Variants in TSHZ3 observed in about 807,000 individuals in gnomAD.
TSHZ3 encodes the protein teashirt zinc finger homeobox 3.
In TSHZ3, 10 loss-of-function variants were observed where a neutral mutation model predicts 64.5. That is an observed-to-expected ratio of 0.16 (90% CI 0.10 to 0.26). The LOEUF (loss-of-function observed/expected upper bound fraction) is 0.26. Ranked by LOEUF, TSHZ3 falls within the 10% of genes least tolerant of loss-of-function variation. The pLI is 1.00. For missense variants in TSHZ3, 1,242 were observed against 1,421.7 expected (o/e 0.87, Z 2.03); for synonymous variants, 608 against 593.1 (o/e 1.03, Z -0.36).
intron 5 of TSHZ3, chr19:31,167,719 G>A (rs543620822): frequency 6.6e-6 from 1 of 152,298 alleles, no homozygotes; most frequent in East Asian, 1.9e-4. Flanking sequence ...CATTGTCACT[G>A]AACACAGAGT....
chr19:31,249,960 C>A (rs1249054471), intron 1 of TSHZ3, among the ~76,000 whole-genome samples: 5 of 152,224 alleles, frequency 3.3e-5, no homozygotes, highest in Admixed American at 1.3e-4. Context: ...AGAAATATAT[C>A]CTCCCTGGAG....
chr19:31,337,187 C>G (rs1309577335), intron 1 of TSHZ3, among the ~76,000 whole-genome samples: 2 of 152,094 alleles, frequency 1.3e-5, no homozygotes, highest in Non-Finnish European at 2.9e-5. Flanking sequence ...GAGCAAACAG[C>G]TGCTGCCACA....
intron 1 of TSHZ3, among the ~76,000 whole-genome samples, chr19:31,299,249 G>A (rs781668725): frequency 6.6e-6 from 1 of 152,186 alleles, no homozygotes; most frequent in Non-Finnish European, 1.5e-5. Context: ...GGAAAGGACA[G>A]TAGGCTGGAG....
chr19:31,207,940 C>A (rs1975207437), intron 4 of TSHZ3, among the ~76,000 whole-genome samples: 1 of 152,130 alleles, frequency 6.6e-6, no homozygotes, highest in Non-Finnish European at 1.5e-5. Context: ...ATGGAATGGA[C>A]CTGTGTGTTA....
At chr19:31,307,187 G>A (rs1044237947) in intron 1 of TSHZ3, among the ~76,000 whole-genome samples, 2 of 152,104 alleles carry the variant, frequency 1.3e-5, no homozygotes, top group African/African-American at 4.8e-5. Context: ...GCCTCTACCC[G>A]TTTCTATATG....
At chr19:31,283,356 A>C (rs968321574) in intron 1 of TSHZ3, among the ~76,000 whole-genome samples, 1 of 152,202 alleles carries the variant, frequency 6.6e-6, no homozygotes, top group Middle Eastern at 3.2e-3. Flanking sequence ...ATAAAAATAA[A>C]GGGAAAATTC....
intron 4 of TSHZ3, among the ~76,000 whole-genome samples, chr19:31,210,415 G>A (rs189038310): frequency 9.2e-5 from 14 of 152,266 alleles, no homozygotes. Flanking sequence ...GGCAGAGGCA[G>A]TATGTTTGAG....
chr19:31,253,562 A>G (rs1229759504), intron 1 of TSHZ3, among the ~76,000 whole-genome samples: 1 of 152,154 alleles, frequency 6.6e-6, no homozygotes, highest in Non-Finnish European at 1.5e-5. Context: ...AAGTCTCGCT[A>G]TGTTGCCCAG....
At chr19:31,201,188 G>A (rs901843268) in intron 5 of TSHZ3, among the ~76,000 whole-genome samples, 3 of 152,170 alleles carry the variant, frequency 2.0e-5, no homozygotes, top group East Asian at 1.9e-4. Flanking sequence ...GTAGGTCTGG[G>A]GCAAATTGTA....
intron 4 of TSHZ3, among the ~76,000 whole-genome samples, chr19:31,220,643 C>T (rs1272695574): frequency 1.3e-5 from 2 of 152,094 alleles, no homozygotes; most frequent in African/African-American, 4.8e-5. Context: ...AGAGCCTTGG[C>T]GCCCTTTCTA....
intron 1 of TSHZ3, among the ~76,000 whole-genome samples, chr19:31,323,748 C>T (rs1916845134): frequency 6.6e-6 from 1 of 152,028 alleles, no homozygotes; most frequent in Non-Finnish European, 1.5e-5. Context: ...CACAGTCTCC[C>T]ACACAGTCAC....
At chr19:31,330,710 G>C (rs570297134) in intron 1 of TSHZ3, among the ~76,000 whole-genome samples, 8 of 34,288 alleles carry the variant, frequency 2.3e-4, no homozygotes, top group Non-Finnish European at 3.9e-4. Context: ...ATCCTTGGGC[G>C]GGGGGAGGAA....
chr19:31,325,206 T>A (rs1474527551), intron 1 of TSHZ3, among the ~76,000 whole-genome samples: 1 of 152,166 alleles, frequency 6.6e-6, no homozygotes, highest in Non-Finnish European at 1.5e-5. Context: ...GCTTCCGCAG[T>A]CCGGCCACAG....
At chr19:31,175,065 G>C (rs979436527) in intron 5 of TSHZ3, among the ~76,000 whole-genome samples, 2 of 152,192 alleles carry the variant, frequency 1.3e-5, no homozygotes, top group African/African-American at 4.8e-5. Flanking sequence ...GTGGAAATGA[G>C]CCTTGTGGTC....
chr19:31,288,019 C>G (rs1035745007), intron 1 of TSHZ3, among the ~76,000 whole-genome samples: 10 of 152,158 alleles, frequency 6.6e-5, no homozygotes, highest in African/African-American at 2.2e-4. Context: ...ACTGCAGCCC[C>G]GAACTCCTGG....
chr19:31,183,311 C>T (rs1294995080), intron 5 of TSHZ3, among the ~76,000 whole-genome samples: 1 of 151,870 alleles, frequency 6.6e-6, no homozygotes, highest in Non-Finnish European at 1.5e-5. Flanking sequence ...ACTGATTCAA[C>T]ACATGCCTTT....
chr19:31,246,134 A>T (rs961790472), intron 1 of TSHZ3, among the ~76,000 whole-genome samples: 1 of 152,190 alleles, frequency 6.6e-6, no homozygotes, highest in African/African-American at 2.4e-5. Flanking sequence ...GTTTTTTTTA[A>T]ATTTAAAAAA....
rs34643581 is a variant in TSHZ3, at chr19:31,338,581, C to CTT, written c.40+10597_40+10598dup. On this transcript the variant is annotated intron_variant, in intron 1 of 1. Coordinates refer to ENST00000240587, the MANE Select transcript of TSHZ3 (RefSeq NM_020856.4). ...CGGTGTTGGTTTTTCTTTTTTTTTT[C>CTT]TTTTTTTTTTTTTTTTAGCATGACA... 1.8e-3 allele frequency among the ~76,000 whole-genome samples: 219 copies of CTT among 119,086 alleles called. 6 individuals are homozygous for CTT. In the East Asian group the frequency reaches 0.025, roughly 13 times the overall value. 78.1% of individuals were successfully genotyped at this position (119,086 alleles called of 152,430 possible).
At chr19:31,349,094 G>C in intron 1 of TSHZ3, 86 bp downstream of exon 1, 1 of 1,476,424 alleles carries the variant, frequency 6.8e-7, no homozygotes, top group Non-Finnish European at 9.1e-7. Flanking sequence ...AGAGCGGGGC[G>C]AGGAGCGGGG....
Sources: allele counts gnomAD v4.1 joint callset (sites outside exome capture counted in the v4.1 genomes callset), GRCh38; gene constraint gnomAD v4.1.1; transcripts MANE v1.5; gene names NCBI Gene and HGNC (gene_info 2026-07-23, HGNC 2026-07-21).